The following TMEM108 variants were observed in gnomAD, a reference collection of about 807,000 sequenced individuals.
The protein encoded by TMEM108 is transmembrane protein 108, also known as cancer/testis antigen 124.
A neutral mutation model predicts 35.1 loss-of-function variants in TMEM108; 12 were observed. The observed-to-expected ratio is 0.34, with a 90% CI of 0.22 to 0.55. TMEM108 has a LOEUF of 0.55. TMEM108 is among the 20% of genes least tolerant of loss of function. The probability of loss-of-function intolerance (pLI) is 0.89; values close to 1 mark genes in which losing one functional copy is unlikely to be tolerated. For missense variants in TMEM108, 680 were observed against 753.3 expected, an observed-to-expected ratio of 0.90 and a Z score of 1.14; for synonymous variants, 287 against 308.6, an observed-to-expected ratio of 0.93 and a Z score of 0.73.
chr3:133,164,698 C>T (rs1187430653), intron 2 of TMEM108, among the ~76,000 whole-genome samples: 2 of 152,112 alleles, frequency 1.3e-5, no homozygotes, highest in South Asian at 2.1e-4. Flanking sequence ...AGTATGACAA[C>T]CCTGGCTATG....
At chr3:133,174,232 G>A (rs936114404) in intron 2 of TMEM108, among the ~76,000 whole-genome samples, 18 of 152,262 alleles carry the variant, frequency 1.2e-4, no homozygotes, top group Admixed American at 1.3e-4. Context: ...GCCTGCCTCT[G>A]TAGACTCCAC....
chr3:133,044,483 A>G (rs1411845619), intron 1 of TMEM108, among the ~76,000 whole-genome samples: 1 of 152,246 alleles, frequency 6.6e-6, no homozygotes, highest in Non-Finnish European at 1.5e-5. Context: ...AAATCATTTT[A>G]TGGTTTTCAA....
At chr3:133,123,187 T>A (rs1944375111) in intron 2 of TMEM108, among the ~76,000 whole-genome samples, 1 of 152,238 alleles carries the variant, frequency 6.6e-6, no homozygotes, top group South Asian at 2.1e-4. Flanking sequence ...TCATTTTTAA[T>A]GGCTATATTG....
rs141571765 is a variant in TMEM108, at chr3:133,209,979, T to G, written c.-46-19287T>G. On this transcript the variant is annotated intron_variant, in intron 2 of 5. Coordinates refer to ENST00000321871, the MANE Select transcript of TMEM108 (RefSeq NM_023943.4). ...TGAGAGGCTTATCAGAGTTAGAGAT[T>G]GGGTGAAAGATCACCAAAAGCTCAT... 2.5e-3 allele frequency among the ~76,000 whole-genome samples: 380 copies of G among 152,286 alleles called. 2 individuals are homozygous for G. Among genetic ancestry groups the G allele is most frequent in the African/African-American group, 8.9e-3 (368 of 41,564 alleles).
chr3:133,211,839 G>T (rs1945837853), intron 2 of TMEM108, among the ~76,000 whole-genome samples: 1 of 152,040 alleles, frequency 6.6e-6, no homozygotes, highest in Non-Finnish European at 1.5e-5. Context: ...CCCTTTTGTA[G>T]GCTTTTCCTT....
intron 2 of TMEM108, among the ~76,000 whole-genome samples, chr3:133,106,611 T>C (rs573719691): frequency 6.6e-6 from 1 of 152,342 alleles, no homozygotes; most frequent in African/African-American, 2.4e-5. Context: ...ATGTGTGGGT[T>C]ATGTCTGAGG....
In TMEM108 at chr3:133,279,231, C is replaced by T. The variant is rs73221162; in HGVS notation, c.40+49880C>T. 9.2e-4 allele frequency among the ~76,000 whole-genome samples: 140 copies of T among 152,348 alleles called. 1 individual carries two copies. Among genetic ancestry groups the T allele is most frequent in the Non-Finnish European group, 1.3e-3 (89 of 68,038 alleles). Reference sequence around the variant, plus strand: ...TGCATGGACGAAATCCTCTGTTCTACCTCCCCATCATCACTGTGGTGTACG... The same window carrying T: ...TGCATGGACGAAATCCTCTGTTCTATCTCCCCATCATCACTGTGGTGTACG... On this transcript the variant is annotated intron_variant, in intron 3 of 5. Transcript: ENST00000321871.
At chr3:133,386,724 T>C (rs2073156132) in intron 4 of TMEM108, 2 of 1,350,358 alleles carry the variant, frequency 1.5e-6, no homozygotes, top group South Asian at 1.9e-5. Context: ...TGTGTTTGCA[T>C]AGAGCTGCGC....
At position 133,243,379 on chromosome 3, in the gene TMEM108, G is replaced by A. The variant is rs565560357; in HGVS notation, c.40+14028G>A. On this transcript the variant is annotated intron_variant, in intron 3 of 5. Coordinates refer to ENST00000321871, the MANE Select transcript of TMEM108 (RefSeq NM_023943.4). Reference sequence around the variant, plus strand: ...ATTGATGTTATTGTTATTTTGACCTGCAGTTAAGTGTAAAATAATTGAGCT... The same window carrying A: ...ATTGATGTTATTGTTATTTTGACCTACAGTTAAGTGTAAAATAATTGAGCT... 2.0e-5 allele frequency among the ~76,000 whole-genome samples: 3 copies of A among 152,226 alleles called. No homozygotes were observed. In the South Asian group the frequency reaches 6.2e-4, roughly 32 times the overall value.
At chr3:133,107,969 C>T (rs985063673) in intron 2 of TMEM108, among the ~76,000 whole-genome samples, 1 of 152,170 alleles carries the variant, frequency 6.6e-6, no homozygotes, top group Non-Finnish European at 1.5e-5. Flanking sequence ...CGGTGGCTCA[C>T]GCCTGTAATC....
chr3:133,313,340 GTT>G, intron 3 of TMEM108, among the ~76,000 whole-genome samples: 1 of 151,986 alleles, frequency 6.6e-6, no homozygotes, highest in Non-Finnish European at 1.5e-5. Flanking sequence ...TGGGACTACA[GTT>G]GCCCACCACC....
intron 3 of TMEM108, among the ~76,000 whole-genome samples, chr3:133,349,434 G>T (rs539970035): frequency 6.6e-6 from 1 of 152,108 alleles, no homozygotes; most frequent in East Asian, 1.9e-4. Context: ...GGCAACAAAA[G>T]CAAAAATAGA....
intron 2 of TMEM108, among the ~76,000 whole-genome samples, chr3:133,086,343 G>GT (rs1489771177): frequency 6.6e-6 from 1 of 151,786 alleles, no homozygotes; most frequent in Non-Finnish European, 1.5e-5. Context: ...AGCAAAACTT[G>GT]TAAGTTTGAG....
intron 3 of TMEM108, among the ~76,000 whole-genome samples, chr3:133,233,595 G>A (rs1474499192): frequency 6.6e-6 from 1 of 151,698 alleles, no homozygotes; most frequent in Non-Finnish European, 1.5e-5. Flanking sequence ...TCTAGTTCTA[G>A]ATCCCTGAGG....
chr3:133,343,556 G>A (rs79847863), intron 3 of TMEM108, among the ~76,000 whole-genome samples: 2,532 of 151,930 alleles, frequency 0.017, 69 homozygotes, highest in African/African-American at 0.058. Flanking sequence ...AGAGAACAAG[G>A]TTGCTGATTT....
At chr3:133,120,591 T>G (rs1479193289) in intron 2 of TMEM108, among the ~76,000 whole-genome samples, 1 of 152,168 alleles carries the variant, frequency 6.6e-6, no homozygotes, top group African/African-American at 2.4e-5. Context: ...ATAGCTCATC[T>G]CTCTTTATGT....
At chr3:133,392,393 C>T (rs150572599) in intron 5 of TMEM108, among the ~76,000 whole-genome samples, 2,566 of 152,230 alleles carry the variant, frequency 0.017, 71 homozygotes, top group African/African-American at 0.054. Flanking sequence ...GACCTCCTCA[C>T]CTCAAGTGAC....
At chr3:133,072,717 T>A (rs1350038030) in intron 2 of TMEM108, among the ~76,000 whole-genome samples, 1 of 152,174 alleles carries the variant, frequency 6.6e-6, no homozygotes, top group Admixed American at 6.5e-5. Context: ...CAGTGATTTT[T>A]AGTATATGTA....
chr3:133,057,181 A>G (rs1943475321), intron 2 of TMEM108, among the ~76,000 whole-genome samples: 1 of 151,980 alleles, frequency 6.6e-6, no homozygotes, highest in African/African-American at 2.4e-5. Flanking sequence ...TCTATTTAAA[A>G]CGTAATTCTC....
Sources: allele counts gnomAD v4.1 joint callset (sites outside exome capture counted in the v4.1 genomes callset), GRCh38; gene constraint gnomAD v4.1.1; transcripts MANE v1.5; gene names NCBI Gene and HGNC (gene_info 2026-07-23, HGNC 2026-07-21).